Variants in NRDC observed in about 807,000 individuals in gnomAD.
The protein encoded by NRDC is nardilysin convertase.
NRDC carries 54 observed loss-of-function variants against 147.1 expected under a neutral mutation model. The observed-to-expected ratio is 0.37, with a 90% CI of 0.29 to 0.46. The LOEUF (loss-of-function observed/expected upper bound fraction) is 0.46, where lower values mean the gene tolerates loss of function less well. NRDC is among the 20% of genes least tolerant of loss of function. The probability of loss-of-function intolerance (pLI) is 1.00; values close to 1 mark genes in which losing one functional copy is unlikely to be tolerated. For synonymous variants in NRDC, 440 were observed against 482.1 expected (o/e 0.91, Z 1.14); for missense variants, 1,082 against 1,370.6 (o/e 0.79, Z 3.33).
intron 1 of NRDC, among the ~76,000 whole-genome samples, chr1:51,842,875 G>A (rs1163080087): frequency 1.3e-5 from 2 of 151,942 alleles, no homozygotes; most frequent in Admixed American, 6.6e-5. Context: ...AGATCAGCCT[G>A]GGTAACATGG....
intron 24 of NRDC, 118 bp downstream of exon 24, chr1:51,794,354 G>A: frequency 2.0e-6 from 2 of 996,592 alleles, no homozygotes; most frequent in Admixed American, 4.5e-5. Context: ...TGCTTCAAGA[G>A]GACAAATGGC....
chr1:51,878,506 T>C lies in NRDC; in HGVS notation c.110A>G (p.Glu37Gly). ...LWGIETRGRC[E>G]DSAAARPFPI... ...AAAGGGTCTGGCAGCAGCAGAGTCT[T>C]CGCACCGACCCCGCGTTTCGATTCC... Residue 37 changes from glutamate to glycine, a missense_variant, in exon 1 of 31, where the codon GAA becomes GGA. Physicochemically the swap from Glu to Gly is moderately conservative, Grantham distance 98 (BLOSUM62 -2). Around this residue, in one of 3 missense-constraint regions of NRDC, gnomAD observed 260 missense variants for 253.2 expected, o/e 1.03. Coordinates refer to ENST00000352171, the MANE Select transcript of NRDC (RefSeq NM_001101662.2). 2.5e-6 allele frequency: 4 copies of C among 1,613,884 alleles called. No homozygotes were observed. The highest frequency in any genetic ancestry group is 3.4e-6 in the Non-Finnish European group (4 of 1,179,970).
intron 20 of NRDC, among the ~76,000 whole-genome samples, chr1:51,801,980 G>T (rs192017187): frequency 6.6e-6 from 1 of 152,154 alleles, no homozygotes; most frequent in East Asian, 1.9e-4. Context: ...GTAGAGACGG[G>T]GTTTCACTGT....
intron 8 of NRDC, among the ~76,000 whole-genome samples, chr1:51,820,122 C>T (rs550692823): frequency 3.3e-5 from 5 of 152,148 alleles, no homozygotes; most frequent in Admixed American, 6.5e-5. Context: ...TTAAAGGACC[C>T]CCTCTCACCC....
chr1:51,792,212 T>G, intron 25 of NRDC, 114 bp from the exon 26 acceptor site: 1 of 1,437,948 alleles, frequency 7.0e-7, no homozygotes. Flanking sequence ...AGTGCCTTTT[T>G]CCTAATTGGC....
chr1:51,877,049 G>A (rs1683363889), intron 1 of NRDC, among the ~76,000 whole-genome samples: 1 of 152,132 alleles, frequency 6.6e-6, no homozygotes, highest in Non-Finnish European at 1.5e-5. Context: ...TTAGCCGGGC[G>A]TGGTGGCGAG....
chr1:51,836,939 T>G (rs373515108), intron 2 of NRDC, among the ~76,000 whole-genome samples: 1 of 146,620 alleles, frequency 6.8e-6, no homozygotes, highest in East Asian at 2.0e-4. Context: ...TTAAAATGAT[T>G]GGGACTTTTT....
chr1:51,863,341 G>A (rs562645267), intron 1 of NRDC, among the ~76,000 whole-genome samples: 42 of 152,230 alleles, frequency 2.8e-4, no homozygotes, highest in African/African-American at 9.9e-4. Flanking sequence ...GGCAGAGGCT[G>A]CAGTGGGCCA....
rs773946457 is a variant in NRDC at position 51,794,466 on chromosome 1, A to G, written c.2775+6T>C. The G allele has an allele frequency of 7.4e-6, 12 of 1,613,832 alleles. No individual in the cohort carries two copies. Among genetic ancestry groups the G allele is most frequent in the South Asian group, 2.2e-5 (2 of 91,078 alleles). ...CTTCCGCCAGTCTTTAGTACACCCA[A>G]CTGACCTGGTAGTACACAGTGACTT... On this transcript the variant is annotated splice_donor_region_variant and intron_variant, in intron 24 of 30. Transcript: ENST00000352171.
At chr1:51,842,847 C>G (rs1681337952) in intron 1 of NRDC, among the ~76,000 whole-genome samples, 1 of 151,892 alleles carries the variant, frequency 6.6e-6, no homozygotes, top group Non-Finnish European at 1.5e-5. Context: ...AGGTAGATTG[C>G]TGGAGTCCAG....
At chr1:51,792,890 G>A (rs1304727615) in intron 24 of NRDC, among the ~76,000 whole-genome samples, 1 of 152,210 alleles carries the variant, frequency 6.6e-6, no homozygotes, top group Non-Finnish European at 1.5e-5. Flanking sequence ...AAATACTTCA[G>A]AGAAAGAAGC....
chr1:51,844,803 G>A (rs532590396), intron 1 of NRDC, among the ~76,000 whole-genome samples: 14 of 89,280 alleles, frequency 1.6e-4, no homozygotes, highest in African/African-American at 2.9e-4. Context: ...GAGGAGGGGG[G>A]AGGGAGGGAG....
intron 1 of NRDC, among the ~76,000 whole-genome samples, chr1:51,869,380 T>A (rs146913244): frequency 7.2e-5 from 11 of 152,292 alleles, no homozygotes; most frequent in Admixed American, 7.2e-4. Context: ...AATCTCTCCT[T>A]CCTTTCCCCA....
chr1:51,794,216 G>T, intron 24 of NRDC: 1 of 394,934 alleles, frequency 2.5e-6, no homozygotes, highest in East Asian at 3.9e-5. Flanking sequence ...AGGGGCACAT[G>T]TAGGGATTTC....
At chr1:51,847,596 G>A (rs1365497594) in intron 1 of NRDC, among the ~76,000 whole-genome samples, 5 of 152,174 alleles carry the variant, frequency 3.3e-5, no homozygotes, top group Admixed American at 6.5e-5. Context: ...GTGACCTGAC[G>A]CACCCTCCGC....
chr1:51,845,872 T>C (rs921273534), intron 1 of NRDC, among the ~76,000 whole-genome samples: 1 of 152,016 alleles, frequency 6.6e-6, no homozygotes, highest in African/African-American at 2.4e-5. Context: ...AACAAAAGAA[T>C]GTTAACGCCT....
intron 20 of NRDC, 107 bp downstream of exon 20, chr1:51,803,707 C>A: frequency 1.2e-6 from 1 of 829,380 alleles, no homozygotes; most frequent in Non-Finnish European, 1.8e-6. Context: ...CAAGATAATC[C>A]ACATTAATAA....
At chr1:51,845,887 G>T (rs536469170) in intron 1 of NRDC, among the ~76,000 whole-genome samples, 1 of 151,882 alleles carries the variant, frequency 6.6e-6, no homozygotes, top group Admixed American at 6.6e-5. Context: ...ACGCCTGGAG[G>T]GGACCTGATA....
chr1:51,835,125 G>C (rs1680891519), intron 3 of NRDC, among the ~76,000 whole-genome samples: 1 of 152,106 alleles, frequency 6.6e-6, no homozygotes, highest in Non-Finnish European at 1.5e-5. Flanking sequence ...GCAATGGCGT[G>C]ATCTCGGCTC....
Sources: gnomAD v4.1 joint callset for allele counts (sites outside exome capture counted in the v4.1 genomes callset) on GRCh38, gnomAD v4.1.1 for gene constraint, gnomAD v4.1.1 regional missense constraint, MANE v1.5 for transcripts, NCBI Gene and HGNC (gene_info 2026-07-23, HGNC 2026-07-21) for gene names.